The following HEXD variants were observed in gnomAD, a reference collection of about 807,000 sequenced individuals.
HEXD encodes the protein hexosaminidase D, also known as N-acetyl-beta-galactosaminidase.
Under a neutral mutation model 54.2 loss-of-function variants are expected in HEXD, and 47 were observed. The ratio of observed to expected loss-of-function variants is 0.87; its 90% CI spans 0.69 to 1.11. HEXD has a LOEUF of 1.11. Among genes scored for constraint, HEXD ranks in the 50% least tolerant of loss-of-function variants. The pLI, the probability that HEXD is intolerant of heterozygous loss-of-function variation, is 0.00. For missense variants in HEXD, 576 were observed against 649.2 expected (o/e 0.89, Z 1.23); for synonymous variants, 293 against 287.6 (o/e 1.02, Z -0.19).
intron 4 of HEXD, 34 bp downstream of exon 4, chr17:82,428,679 G>A: frequency 4.4e-6 from 7 of 1,580,414 alleles, no homozygotes; most frequent in South Asian, 1.1e-5. Context: ...CCTGGTGCCA[G>A]GTGTGGGGTC....
At chr17:82,435,220 G>A (rs866842837) in intron 5 of HEXD, among the ~76,000 whole-genome samples, 1 of 151,884 alleles carries the variant, frequency 6.6e-6, no homozygotes, top group Admixed American at 6.6e-5. Context: ...ATCACCCCAG[G>A]GCAAGCCCCG....
intron 4 of HEXD, among the ~76,000 whole-genome samples, chr17:82,433,128 A>ATATATATTT (rs71168109): frequency 1.5e-4 from 2 of 13,070 alleles, no homozygotes; most frequent in Non-Finnish European, 1.2e-4. Flanking sequence ...ATATATATAT[A>ATATATATTT]TTTTTTTTTT....
intron 9 of HEXD, chr17:82,440,202 CTG>C (rs149171483): frequency 2.0e-5 from 26 of 1,289,596 alleles, no homozygotes; most frequent in African/African-American, 3.0e-5. Flanking sequence ...GCCAGAGGAG[CTG>C]TGTGTGTGGA....
chr17:82,423,156 T>A (rs1227542379), intron 2 of HEXD, among the ~76,000 whole-genome samples: 1 of 152,228 alleles, frequency 6.6e-6, no homozygotes, highest in Non-Finnish European at 1.5e-5. Flanking sequence ...CATCTGTTGC[T>A]GCGTGACAGA....
chr17:82,433,723 C>A lies in HEXD; in HGVS notation c.348C>A (p.Asn116Lys). 1.9e-6 allele frequency: 3 copies of A among 1,613,220 alleles called. No homozygotes were observed. Among genetic ancestry groups the A allele is most frequent in the Non-Finnish European group, 2.5e-6 (3 of 1,179,844 alleles). The change falls in exon 5 of 13, where the codon AAC (asparagine) becomes AAA (lysine). Residue 116 changes from asparagine to lysine, a missense_variant. Coordinates refer to ENST00000327949, the MANE Select transcript of HEXD (RefSeq NM_001330542.2). ...TGGGCTCCTTCCCCTGCACCCTGAA[C>A]CCCCACGAGGCAGAGTCCCTGGCGC... is the stretch of plus-strand genomic sequence containing the variant. ...REVGSFPCTL[N>K]PHEAESLALV...
chr17:82,429,839 C>T (rs1306425436), intron 4 of HEXD, among the ~76,000 whole-genome samples: 1 of 152,180 alleles, frequency 6.6e-6, no homozygotes, highest in Non-Finnish European at 1.5e-5. Flanking sequence ...CTCCTGCTTT[C>T]TCTTTGTCCT....
rs1491012100 is a variant in HEXD, at chr17:82,441,782, T to TA, written c.1164-17dup. ...GCCTTGGTAGCCCGCGGCACACCCC[T>TA]ATGTGGATTTGCCCCAGGTATGTCA... On this transcript the variant is annotated splice_polypyrimidine_tract_variant and intron_variant, in intron 11 of 12. Transcript: ENST00000327949. The TA allele has an allele frequency of 6.2e-7, 1 of 1,608,974 alleles. No individual in the cohort carries two copies. The highest frequency in any genetic ancestry group is 1.3e-5 in the African/African-American group (1 of 74,802).
rs919275573 is a variant in HEXD, at chr17:82,434,451, G to C, written c.447+629G>C. 1.3e-5 allele frequency among the ~76,000 whole-genome samples: 2 copies of C among 152,206 alleles called. No individual in the cohort carries two copies. Among genetic ancestry groups the C allele is most frequent in the African/African-American group, 4.8e-5 (2 of 41,464 alleles). ...GTTCTGCAGGGCTGTGGCTCACAGGGAACCCGAGCTGAACATTTTAGCCCC... is the reference window on the plus strand; with the variant it reads ...GTTCTGCAGGGCTGTGGCTCACAGGCAACCCGAGCTGAACATTTTAGCCCC... On this transcript the variant is annotated intron_variant, in intron 5 of 12. Transcript: ENST00000327949. This position sits in a 1 kb window ranked among gnomAD's most constrained non-coding sequence, Gnocchi z 4.5.
chr17:82,436,767 G>T, intron 7 of HEXD, 29 bp downstream of exon 7: 2 of 1,598,086 alleles, frequency 1.3e-6, no homozygotes, highest in Non-Finnish European at 8.5e-7. Context: ...GGGGTGTGTT[G>T]TCCTGGCCAT....
At chr17:82,422,482 G>T (rs1480476498) in intron 2 of HEXD, among the ~76,000 whole-genome samples, 1 of 140,450 alleles carries the variant, frequency 7.1e-6, no homozygotes, top group Non-Finnish European at 1.5e-5. Flanking sequence ...GGGCGATAGA[G>T]CAAGACTCAG....
At chr17:82,421,129 CAG>C (rs1265550655) in intron 2 of HEXD, among the ~76,000 whole-genome samples, 7 of 152,102 alleles carry the variant, frequency 4.6e-5, no homozygotes, top group African/African-American at 1.4e-4. Context: ...AGAAGTGGGG[CAG>C]AGTTTTAATG....
intron 4 of HEXD, among the ~76,000 whole-genome samples, chr17:82,430,652 G>A (rs72857464): frequency 0.074 from 11,319 of 152,240 alleles, 732 homozygotes; most frequent in East Asian, 0.22. Context: ...GCCTCTCAAA[G>A]TACTGGGATT....
chr17:82,422,988 C>T (rs982678249), intron 2 of HEXD, among the ~76,000 whole-genome samples: 4 of 150,804 alleles, frequency 2.7e-5, no homozygotes, highest in African/African-American at 7.3e-5. Flanking sequence ...ACCCGGGAGG[C>T]GGAGGTTGTG....
At chr17:82,437,606 G>A (rs1169475725) in intron 8 of HEXD, among the ~76,000 whole-genome samples, 2 of 146,796 alleles carry the variant, frequency 1.4e-5, no homozygotes, top group South Asian at 2.2e-4. Context: ...CATGCTACCC[G>A]TGTGCGCCGC....
Position 82,441,168 on chromosome 17 carries a change from G to C in HEXD, c.1065G>C (p.Glu355Asp). ...TTCTCAGCAGGGCTCTCCGCAGGGA[G>C]GGGGCCGGCTCCTTCCCTGGCAGCA... ...SSLEKTDPVR[E>D]GAGSFPGSNI... is the part of the protein sequence containing the mutation. The change falls in exon 11 of 13, where the codon GAG (glutamate) becomes GAC (aspartate). Residue 355 changes from glutamate to aspartate, a missense_variant. Physicochemically the swap from Glu to Asp is conservative, Grantham distance 45 (BLOSUM62 2). Coordinates refer to ENST00000327949, the MANE Select transcript of HEXD (RefSeq NM_001330542.2). 1.9e-6 allele frequency: 3 copies of C among 1,613,212 alleles called. No homozygotes were observed. Among genetic ancestry groups the C allele is most frequent in the Admixed American group, 1.7e-5 (1 of 60,014 alleles).
chr17:82,438,570 G>C (rs2053838986), intron 8 of HEXD, among the ~76,000 whole-genome samples: 1 of 152,250 alleles, frequency 6.6e-6, no homozygotes, highest in Admixed American at 6.5e-5. Context: ...ATAAACCCCT[G>C]GTCGCCGGCC....
intron 2 of HEXD, among the ~76,000 whole-genome samples, chr17:82,421,871 A>G (rs2053244482): frequency 6.6e-6 from 1 of 151,584 alleles, no homozygotes; most frequent in Non-Finnish European, 1.5e-5. Context: ...TTAACATCAT[A>G]CAAAGATAGG....
intron 9 of HEXD, chr17:82,440,195 AGAG>A (rs746884494): frequency 7.2e-5 from 93 of 1,289,676 alleles, no homozygotes; most frequent in Non-Finnish European, 8.3e-5. Flanking sequence ...GGGCTTGGCC[AGAG>A]GAGCTGTGTG....
At chr17:82,441,981 GTGA>G (rs1190068287) in intron 12 of HEXD, 92 bp downstream of exon 12, 7 of 1,403,402 alleles carry the variant, frequency 5.0e-6, no homozygotes, top group Admixed American at 3.4e-5. Context: ...AGAGCAGAGG[GTGA>G]GCCCCTAGTT....
Sources: gnomAD v4.1 joint callset for allele counts (sites outside exome capture counted in the v4.1 genomes callset) on GRCh38, gnomAD v4.1.1 for gene constraint, Gnocchi (gnomAD v3.1) non-coding constraint, MANE v1.5 for transcripts, NCBI Gene and HGNC (gene_info 2026-07-23, HGNC 2026-07-21) for gene names.